Variants in CCDC178 observed in about 807,000 individuals in gnomAD.
CCDC178 encodes coiled-coil domain-containing protein 178.
A neutral mutation model predicts 117.4 loss-of-function variants in CCDC178; 126 were observed. The observed-to-expected ratio is 1.07, with a 90% confidence interval of 0.93 to 1.24. CCDC178 has a LOEUF of 1.24. Among genes scored for constraint, CCDC178 ranks in the 50% most tolerant of loss-of-function variants. The pLI is 0.00. For synonymous variants in CCDC178, 283 were observed against 313.4 expected (o/e 0.90, Z 1.02); for missense variants, 1,030 against 986.9 (o/e 1.04, Z -0.59).
At chr18:33,192,838 T>C (rs138068909) in intron 20 of CCDC178, among the ~76,000 whole-genome samples, 139 of 147,290 alleles carry the variant, frequency 9.4e-4, no homozygotes, top group African/African-American at 3.4e-3. Context: ...GAGGCGGAGA[T>C]TGCAGTGAGC....
intron 12 of CCDC178, among the ~76,000 whole-genome samples, chr18:33,272,924 C>A (rs1167422407): frequency 1.3e-5 from 2 of 150,868 alleles, no homozygotes; most frequent in Admixed American, 1.3e-4. Context: ...CCTGTGAAAG[C>A]CAACATCATA....
intron 22 of CCDC178, chr18:32,954,737 T>C (rs547938683): frequency 2.6e-5 from 4 of 152,252 alleles, no homozygotes; most frequent in African/African-American, 9.6e-5. Flanking sequence ...AAAAGAGATA[T>C]CTGTCTCCTT....
intron 5 of CCDC178, among the ~76,000 whole-genome samples, chr18:33,388,791 C>T (rs1245531741): frequency 6.6e-6 from 1 of 151,972 alleles, no homozygotes; most frequent in Non-Finnish European, 1.5e-5. Flanking sequence ...AGTTACACCA[C>T]AGAATATTAT....
At chr18:33,295,239 T>G (rs2062092329) in intron 11 of CCDC178, among the ~76,000 whole-genome samples, 1 of 152,162 alleles carries the variant, frequency 6.6e-6, no homozygotes, top group African/African-American at 2.4e-5. Flanking sequence ...ATGGAATAAT[T>G]ACATATTCAT....
chr18:33,045,339 ATAGT>A (rs1055663906), intron 21 of CCDC178, among the ~76,000 whole-genome samples: 26 of 152,288 alleles, frequency 1.7e-4, no homozygotes, highest in African/African-American at 5.5e-4. Flanking sequence ...TAATCAATAA[ATAGT>A]TAGGCCCGAG....
chr18:33,148,733 G>A (rs576113511), intron 20 of CCDC178, among the ~76,000 whole-genome samples: 9 of 152,282 alleles, frequency 5.9e-5, no homozygotes, highest in South Asian at 2.1e-4. Context: ...TCTGAATCTA[G>A]AGATTATAGT....
chr18:32,939,747 G>T (rs1476795538), intron 22 of CCDC178, among the ~76,000 whole-genome samples: 1 of 152,116 alleles, frequency 6.6e-6, no homozygotes, highest in East Asian at 1.9e-4. Flanking sequence ...GCAGATAGGA[G>T]CATGGTAGAT....
At chr18:33,180,213 T>C (rs463070) in intron 20 of CCDC178, among the ~76,000 whole-genome samples, 13,995 of 151,852 alleles carry the variant, frequency 0.092, 792 homozygotes, top group African/African-American at 0.16. Context: ...GGTGTAGATA[T>C]CAAAACTTGA....
chr18:32,953,194 C>T (rs1272565516), intron 22 of CCDC178, among the ~76,000 whole-genome samples: 1 of 152,204 alleles, frequency 6.6e-6, no homozygotes, highest in African/African-American at 2.4e-5. Flanking sequence ...ATGCCAGAGG[C>T]AAAATGCTGC....
chr18:33,266,648 G>C (rs2059819360), intron 14 of CCDC178, among the ~76,000 whole-genome samples: 1 of 146,370 alleles, frequency 6.8e-6, no homozygotes, highest in Admixed American at 6.9e-5. Context: ...TTGTGGGGTA[G>C]GGGGAGGGGG....
chr18:33,074,690 G>C (rs2057174202), intron 21 of CCDC178, among the ~76,000 whole-genome samples: 1 of 152,300 alleles, frequency 6.6e-6, no homozygotes, highest in Middle Eastern at 3.4e-3. Flanking sequence ...AGGAAGGGGA[G>C]TGGTAAACAG....
chr18:33,253,524 G>T (rs926841001), intron 14 of CCDC178, among the ~76,000 whole-genome samples: 2 of 151,806 alleles, frequency 1.3e-5, no homozygotes, highest in African/African-American at 4.8e-5. Context: ...GGACTAAGGG[G>T]AAGGTGATTC....
At chr18:32,969,355 G>C (rs965000068) in intron 22 of CCDC178, among the ~76,000 whole-genome samples, 1 of 151,966 alleles carries the variant, frequency 6.6e-6, no homozygotes, top group Non-Finnish European at 1.5e-5. Context: ...AATCACTGTA[G>C]TAACATCTTC....
chr18:33,271,424 T>C (rs2059888276), intron 12 of CCDC178, among the ~76,000 whole-genome samples: 1 of 151,552 alleles, frequency 6.6e-6, no homozygotes, highest in Admixed American at 6.6e-5. Context: ...ACAGTAACCA[T>C]GTTAAAGGAA....
intron 11 of CCDC178, among the ~76,000 whole-genome samples, chr18:33,307,715 C>T (rs2062276448): frequency 6.6e-6 from 1 of 152,200 alleles, no homozygotes; most frequent in South Asian, 2.1e-4. Flanking sequence ...TTTCCCCCTG[C>T]TCTGTGCAGC....
chr18:33,191,523 C>A (rs922571203), intron 20 of CCDC178, among the ~76,000 whole-genome samples: 1 of 151,978 alleles, frequency 6.6e-6, no homozygotes, highest in Non-Finnish European at 1.5e-5. Context: ...ATTTTCTGAG[C>A]GTTCTATTAA....
chr18:33,291,752 C>A (rs539469509), intron 12 of CCDC178, among the ~76,000 whole-genome samples: 17 of 152,170 alleles, frequency 1.1e-4, no homozygotes, highest in African/African-American at 4.1e-4. Flanking sequence ...ATGAAGAGAA[C>A]AAACAGCCAG....
chr18:32,979,486 T>C (rs2055101792), intron 21 of CCDC178, among the ~76,000 whole-genome samples: 1 of 152,160 alleles, frequency 6.6e-6, no homozygotes, highest in Non-Finnish European at 1.5e-5. Context: ...ATGACCAATT[T>C]TGAATTGTAA....
chr18:33,403,016 C>G (rs1043723011), intron 3 of CCDC178, among the ~76,000 whole-genome samples: 1 of 152,174 alleles, frequency 6.6e-6, no homozygotes, highest in Non-Finnish European at 1.5e-5. Context: ...GTGCAATAGA[C>G]AATTACTTCA....
Sources: allele counts gnomAD v4.1 joint callset (sites outside exome capture counted in the v4.1 genomes callset), GRCh38; gene constraint gnomAD v4.1.1; transcripts MANE v1.5; gene names NCBI Gene and HGNC (gene_info 2026-07-23, HGNC 2026-07-21).